The following SART1 variants were observed in gnomAD, a reference collection of about 807,000 sequenced individuals.
SART1 encodes U4/U6.U5 tri-snRNP-associated protein 1.
In SART1, 28 loss-of-function variants were observed where a neutral mutation model predicts 105.0. The observed-to-expected ratio is 0.27, with a 90% confidence interval of 0.20 to 0.37. The LOEUF (loss-of-function observed/expected upper bound fraction) is 0.37, where lower values mean the gene tolerates loss of function less well. Among genes scored for constraint, SART1 ranks in the 10% least tolerant of loss-of-function variants. SART1 has a pLI of 1.00. For synonymous variants in SART1, 472 were observed against 462.9 expected (o/e 1.02, Z -0.25); for missense variants, 894 against 1,106.5 (o/e 0.81, Z 2.72).
chr11:65,974,922 C>A (rs1418430336), intron 12 of SART1, among the ~76,000 whole-genome samples: 1 of 151,762 alleles, frequency 6.6e-6, no homozygotes, highest in African/African-American at 2.4e-5. Context: ...CGCCTGTAGT[C>A]CCAGCTACTC....
At position 65,963,902 on chromosome 11, in the gene SART1, C is replaced by T. The variant is rs143726227; in HGVS notation, c.314-172C>T. On this transcript the variant is annotated intron_variant, in intron 1 of 19. Transcript: ENST00000312397. Reference sequence around the variant, plus strand: ...AGAGGCAGGGCTCTGAGACTGGACTCGGGCAGAGGAGCTGCTGGGGAGCTT... The same window carrying T: ...AGAGGCAGGGCTCTGAGACTGGACTTGGGCAGAGGAGCTGCTGGGGAGCTT... 2.7e-3 allele frequency: 1,696 copies of T among 624,652 alleles called. 5 individuals are homozygous for T. Among genetic ancestry groups the T allele is most frequent in the Admixed American group, 6.6e-3 (244 of 37,126 alleles). The allele number at this position is 624,652 out of a possible 1,614,324, so 38.7% of individuals were successfully genotyped here. A position where few individuals can be genotyped will look rare whatever the true frequency, so the allele number is the denominator to read the frequency against.
At position 65,967,761 on chromosome 11, in the gene SART1, G is replaced by T. The variant is rs1855291229; in HGVS notation, c.1512G>T (p.Glu504Asp). The T allele has an allele frequency of 6.4e-7, 1 of 1,551,582 alleles. No homozygotes were observed. Among genetic ancestry groups the T allele is most frequent in the Non-Finnish European group, 8.7e-7 (1 of 1,147,928 alleles). ...EAELELQKQL[E>D]KGRRLRQLQQ... ...AGCTGGAGCTGCAGAAGCAGCTGGAGAAGGGACGCCGGCTGCGACAGTTAC... is the reference window on the plus strand; with the variant it reads ...AGCTGGAGCTGCAGAAGCAGCTGGATAAGGGACGCCGGCTGCGACAGTTAC... Residue 504 changes from glutamate to aspartate, a missense_variant, in exon 12 of 20, where the codon GAG (glutamate) becomes GAT (aspartate). This residue lies in a region of SART1 where 712 missense variants were observed against 778.2 expected (regional missense o/e 0.91). Transcript: ENST00000312397.
intron 1 of SART1, among the ~76,000 whole-genome samples, chr11:65,963,129 G>A (rs1365893776): frequency 1.3e-5 from 2 of 152,014 alleles, no homozygotes; most frequent in Non-Finnish European, 2.9e-5. Context: ...ATGAGAAGAG[G>A]GGGTCAGGAC....
At chr11:65,964,838 C>A (rs1002803054) in intron 3 of SART1, among the ~76,000 whole-genome samples, 17 of 152,202 alleles carry the variant, frequency 1.1e-4, no homozygotes, top group Admixed American at 9.8e-4. Context: ...GCAGACTGCG[C>A]TGTGCGGGGG....
In SART1 at chr11:65,967,710, G is replaced by T. The variant is rs76039799; in HGVS notation, c.1461G>T (p.Pro487=). 2 of 1,561,132 alleles carry T rather than the reference G, an allele frequency of 1.3e-6. No individual in the cohort carries two copies. The highest frequency in any genetic ancestry group is 1.7e-6 in the Non-Finnish European group (2 of 1,152,588). The change falls in exon 12 of 20, where the codon CCG becomes CCT. Residue 487 remains proline (P), a synonymous_variant. Transcript: ENST00000312397. The part of the protein sequence containing the change: ...EEGGAPPPGS[P]QVLEEDEAEL... ...GTGGAGCTCCACCGCCGGGGTCCCC[G>T]CAGGTGCTGGAGGAGGACGAGGCGG...
At position 65,978,773 on chromosome 11, in the gene SART1, G is replaced by A; in HGVS notation, c.2263-20G>A. On this transcript the variant is annotated intron_variant, in intron 18 of 19. Coordinates refer to ENST00000312397, the MANE Select transcript of SART1 (RefSeq NM_005146.5). This position sits in a 1 kb window ranked among gnomAD's most constrained non-coding sequence, Gnocchi z 6.8. Reference sequence around the variant, plus strand: ...TGTGGGGCCTGCTGCAGCCCTTTCTGAGTGGCCCCGACCCCTCAGCTCCTG... The same window carrying A: ...TGTGGGGCCTGCTGCAGCCCTTTCTAAGTGGCCCCGACCCCTCAGCTCCTG... 4 of 1,613,890 alleles carry A rather than the reference G, an allele frequency of 2.5e-6. No homozygotes were observed. In the South Asian group the frequency reaches 4.4e-5, roughly 18 times the overall value.
intron 12 of SART1, among the ~76,000 whole-genome samples, chr11:65,973,128 C>T (rs775032550): frequency 7.9e-5 from 12 of 151,870 alleles, no homozygotes; most frequent in African/African-American, 4.8e-5. Context: ...GAGCCGAGAT[C>T]GCACCACTGC....
In SART1 at chr11:65,967,873, G is replaced by A. The variant is rs1855294183; in HGVS notation, c.1572+52G>A. Reference sequence around the variant, plus strand: ...TGCGTCAGCAGTCACCTGTCCTCACGAGCACCTGTGTCATAGGCGACAGCC... The same window carrying A: ...TGCGTCAGCAGTCACCTGTCCTCACAAGCACCTGTGTCATAGGCGACAGCC... On this transcript the variant is annotated intron_variant, in intron 12 of 19. Coordinates refer to ENST00000312397, the MANE Select transcript of SART1 (RefSeq NM_005146.5). 8.5e-6 allele frequency: 12 copies of A among 1,410,814 alleles called. No individual in the cohort carries two copies. The South Asian group carries it at 1.2e-4, about 14-fold the overall frequency. The allele number at this position is 1,410,814 out of a possible 1,614,324, so 87.4% of individuals were successfully genotyped here. A position where few individuals can be genotyped will look rare whatever the true frequency, so the allele number is the denominator to read the frequency against.
In SART1 at chr11:65,976,586, C is replaced by T. The variant is rs1375488428; in HGVS notation, c.1746+18C>T. ...AGCTCATGGTGCGTCTGGGGCGGCC[C>T]CGCCCTCTGCTTCCCTCGGCTGGGT... On this transcript the variant is annotated intron_variant, in intron 13 of 19. Transcript: ENST00000312397. The surrounding 1 kb of genome is among the most constrained non-coding windows in gnomAD (Gnocchi z 5.1). 4 of 1,613,338 alleles carry T rather than the reference C, an allele frequency of 2.5e-6. No homozygotes were observed. The highest frequency in any genetic ancestry group is 3.4e-6 in the Non-Finnish European group (4 of 1,179,874).
Position 65,965,309 on chromosome 11 carries a change from G to T in SART1, c.555-33G>T, listed in dbSNP as rs752572715. 12 of 1,596,912 alleles carry T rather than the reference G, an allele frequency of 7.5e-6. No homozygotes were observed. The South Asian group carries it at 1.3e-4, about 18-fold the overall frequency. ...TGAGTGGGGTGGGGAGCAGGAGCTG[G>T]GCTCCTTGAGCATCACTTTTTCCCC... On this transcript the variant is annotated intron_variant, in intron 4 of 19. Coordinates refer to ENST00000312397, the MANE Select transcript of SART1 (RefSeq NM_005146.5).
At position 65,966,382 on chromosome 11, in the gene SART1, C is replaced by T. The variant is rs748251289; in HGVS notation, c.1014C>T (p.Asp338=). 45 of 1,613,862 alleles carry T rather than the reference C, an allele frequency of 2.8e-5. No homozygotes were observed. The highest frequency in any genetic ancestry group is 5.0e-5 in the Admixed American group (3 of 60,006). ...QKPRSILSKY[D]EELEGERPHS... is the part of the protein sequence containing the mutation. Reference sequence around the variant, plus strand: ...CTCGCTCTATCCTGTCCAAGTATGACGAAGAGCTTGAAGGGGAGCGGCCAC... The same window carrying T: ...CTCGCTCTATCCTGTCCAAGTATGATGAAGAGCTTGAAGGGGAGCGGCCAC... Residue 338 remains aspartate (D), a synonymous_variant, in exon 9 of 20, where the codon GAC becomes GAT. Coordinates refer to ENST00000312397, the MANE Select transcript of SART1 (RefSeq NM_005146.5).
Position 65,966,000 on chromosome 11 carries a change from G to A in SART1, c.838+14G>A. On this transcript the variant is annotated intron_variant, in intron 7 of 19. Transcript: ENST00000312397. ...TCAAGGACAAAGGTAATGCGAGCTG[G>A]GTGCCCTGGGTGGGGGCACAGCCTC... is the stretch of plus-strand genomic sequence containing the variant. The A allele has an allele frequency of 6.2e-7, 1 of 1,613,994 alleles. No individual in the cohort carries two copies. The highest frequency in any genetic ancestry group is 2.2e-5 in the East Asian group (1 of 44,888).
In SART1 at chr11:65,978,306, G is replaced by GCCC. The variant is rs1565319117; in HGVS notation, c.2173-293_2173-292insCCC. 7.4e-3 allele frequency among the ~76,000 whole-genome samples: 1,122 copies of GCCC among 152,106 alleles called. 72 individuals carry two copies. In the East Asian group the frequency reaches 0.15, roughly 21 times the overall value. ...CTTGCTCTCTGGGGTTTGTCTCCCT[G>GCCC]CAGCCCCAGCCCCAGCCCCAGCGTC... On this transcript the variant is annotated intron_variant, in intron 17 of 19. Transcript: ENST00000312397. This position sits in a 1 kb window ranked among gnomAD's most constrained non-coding sequence, Gnocchi z 6.8.
intron 3 of SART1, 55 bp from the exon 4 acceptor site, chr11:65,965,037 C>A (rs759715368): frequency 6.6e-7 from 1 of 1,524,980 alleles, no homozygotes; most frequent in Non-Finnish European, 8.8e-7. Context: ...GTGGCTCCCT[C>A]CTCTCCCCAC....
intron 12 of SART1, among the ~76,000 whole-genome samples, chr11:65,969,884 A>G (rs545713979): frequency 2.9e-3 from 447 of 152,128 alleles, no homozygotes; most frequent in African/African-American, 0.01. Context: ...CACCACGCCC[A>G]GCTGATTTTT....
At chr11:65,962,507 G>T (rs59473144) in intron 1 of SART1, among the ~76,000 whole-genome samples, 3,486 of 152,304 alleles carry the variant, frequency 0.023, 136 homozygotes, top group African/African-American at 0.075. Context: ...GAAAAACCTG[G>T]TATTGGACGA....
At chr11:65,975,953 C>T (rs1283229909) in intron 12 of SART1, among the ~76,000 whole-genome samples, 5 of 152,020 alleles carry the variant, frequency 3.3e-5, no homozygotes, top group East Asian at 1.9e-4. Context: ...AAGCAGGAAG[C>T]GAGAAGCTGG....
chr11:65,977,676 A>C, intron 16 of SART1, 23 bp downstream of exon 16: 2 of 1,613,664 alleles, frequency 1.2e-6, no homozygotes, highest in Middle Eastern at 1.6e-4. Flanking sequence ...GGGCCTGTGC[A>C]GGGCTGAGGG....
chr11:65,979,215 G>C lies in SART1; in HGVS notation c.*185G>C, dbSNP rs1590647714. ...ACACAAACAACTAAACGATGGAAGA[G>C]AGAGCGAGCCCGGGTCCTCTAAGGC... On this transcript the variant is annotated 3_prime_UTR_variant, in exon 20 of 20. Coordinates refer to ENST00000312397, the MANE Select transcript of SART1 (RefSeq NM_005146.5). 3 of 760,568 alleles carry C rather than the reference G, an allele frequency of 3.9e-6. No homozygotes were observed. The highest frequency in any genetic ancestry group is 5.4e-5 in the East Asian group (2 of 37,090). The allele number at this position is 760,568 out of a possible 1,614,324, so 47.1% of individuals were successfully genotyped here.
Sources: allele counts gnomAD v4.1 joint callset (sites outside exome capture counted in the v4.1 genomes callset), GRCh38; gene constraint gnomAD v4.1.1; regional missense constraint gnomAD v4.1.1; non-coding constraint Gnocchi (gnomAD v3.1); transcripts MANE v1.5; gene names NCBI Gene and HGNC (gene_info 2026-07-23, HGNC 2026-07-21).